LRRIQ1: variants seen among roughly 807,000 people sequenced by gnomAD.
LRRIQ1 encodes the protein leucine rich repeats and IQ motif containing 1.
LRRIQ1 carries 210 observed loss-of-function variants against 211.9 expected under a neutral mutation model. The observed-to-expected ratio is 0.99, with a 90% CI of 0.89 to 1.11. LRRIQ1 has a LOEUF of 1.11. Ranked by LOEUF, LRRIQ1 falls within the 50% of genes most tolerant of loss-of-function variation. The pLI, the probability that LRRIQ1 is intolerant of heterozygous loss-of-function variation, is 0.00. For synonymous variants in LRRIQ1, 699 were observed against 650.1 expected, an observed-to-expected ratio of 1.08 and a Z score of -1.14; for missense variants, 2,136 against 1,939.5, an observed-to-expected ratio of 1.10 and a Z score of -1.90.
At chr12:85,042,423 AATT>A (rs1269706972) in intron 3 of LRRIQ1, among the ~76,000 whole-genome samples, 2 of 148,376 alleles carry the variant, frequency 1.3e-5, no homozygotes, top group Non-Finnish European at 3.0e-5. Context: ...ATTAAGTATA[AATT>A]ATTAAAATTA....
intron 1 of LRRIQ1, among the ~76,000 whole-genome samples, chr12:85,254,133 G>A (rs568920957): frequency 6.6e-6 from 1 of 152,086 alleles, no homozygotes; most frequent in South Asian, 2.1e-4. Flanking sequence ...GCCATGTCAC[G>A]TGTCTGCTCC....
chr12:85,173,063 C>T (rs577744196), intron 24 of LRRIQ1, among the ~76,000 whole-genome samples: 4 of 152,092 alleles, frequency 2.6e-5, no homozygotes, highest in Non-Finnish European at 5.9e-5. Flanking sequence ...GAGCCGAGTT[C>T]ATGCCATTGC....
chr12:85,037,086 T>C lies in LRRIQ1; in HGVS notation c.-25+679T>C, dbSNP rs73379726. 8.8e-3 allele frequency among the ~76,000 whole-genome samples: 1,346 copies of C among 152,298 alleles called. 18 individuals are homozygous for C. Among genetic ancestry groups the C allele is most frequent in the African/African-American group, 0.031 (1,299 of 41,564 alleles). ...AAGAAAGAATATAAACTCTTTGCAATGATATTAATAATTAATTTTGTTATT... is the reference window on the plus strand; with the variant it reads ...AAGAAAGAATATAAACTCTTTGCAACGATATTAATAATTAATTTTGTTATT... On this transcript the variant is annotated intron_variant, in intron 1 of 26. Transcript: ENST00000393217.
At chr12:85,137,994 A>C in intron 19 of LRRIQ1, 25 bp downstream of exon 19, 1 of 1,244,520 alleles carries the variant, frequency 8.0e-7, no homozygotes, top group Non-Finnish European at 1.1e-6. Context: ...TAGTATATAA[A>C]TATTGGTCTT....
intron 14 of LRRIQ1, among the ~76,000 whole-genome samples, chr12:85,105,795 T>TA (rs1886735038): frequency 2.1e-5 from 1 of 46,748 alleles, no homozygotes; most frequent in Non-Finnish European, 3.9e-5. Flanking sequence ...TCTTTCTTTC[T>TA]ATTTTTTTTT....
At chr12:85,257,053 T>A (rs1415169763) in intron 1 of LRRIQ1, among the ~76,000 whole-genome samples, 1 of 116,174 alleles carries the variant, frequency 8.6e-6, no homozygotes, top group African/African-American at 3.4e-5. Context: ...TAATTATATA[T>A]ATAATTATAT....
chr12:85,209,867 T>C (rs918362097), intron 24 of LRRIQ1, among the ~76,000 whole-genome samples: 1 of 152,112 alleles, frequency 6.6e-6, no homozygotes, highest in African/African-American at 2.4e-5. Flanking sequence ...TGAGCTTATG[T>C]AAGACTCATG....
intron 15 of LRRIQ1, among the ~76,000 whole-genome samples, chr12:85,107,936 T>A (rs1886900349): frequency 6.6e-6 from 1 of 152,144 alleles, no homozygotes; most frequent in South Asian, 2.1e-4. Context: ...TGGAACCTTC[T>A]GGAACATATG....
chr12:85,066,033 T>G (rs574293941), intron 9 of LRRIQ1, among the ~76,000 whole-genome samples: 1 of 151,956 alleles, frequency 6.6e-6, no homozygotes, highest in East Asian at 1.9e-4. Context: ...TTGGCTAATG[T>G]TTTATTGGCT....
chr12:85,113,907 T>TTGTGTGTGTGTG (rs71076112), intron 15 of LRRIQ1, among the ~76,000 whole-genome samples: 10,053 of 140,816 alleles, frequency 0.071, 600 homozygotes, highest in African/African-American at 0.15. Flanking sequence ...CAAATGAGTT[T>TTGTGTGTGTGTG]TGTGTGTGTG....
intron 5 of LRRIQ1, among the ~76,000 whole-genome samples, chr12:85,046,736 C>A (rs905157734): frequency 6.6e-6 from 1 of 151,974 alleles, no homozygotes; most frequent in African/African-American, 2.4e-5. Flanking sequence ...ACAATAGCAA[C>A]GACTTGGAAC....
intron 24 of LRRIQ1, among the ~76,000 whole-genome samples, chr12:85,225,914 A>G (rs1291759522): frequency 6.6e-6 from 1 of 152,324 alleles, no homozygotes; most frequent in East Asian, 1.9e-4. Context: ...TTTTGCTGAG[A>G]CAGAACCACT....
chr12:85,141,927 A>G (rs1195947072), intron 19 of LRRIQ1, among the ~76,000 whole-genome samples: 1 of 90,750 alleles, frequency 1.1e-5, no homozygotes, highest in Non-Finnish European at 2.0e-5. Context: ...CGTGTGCTTC[A>G]TTCTTTCCTG....
chr12:85,151,122 ATATAAC>A (rs1357431919), intron 19 of LRRIQ1, among the ~76,000 whole-genome samples: 1 of 151,372 alleles, frequency 6.6e-6, no homozygotes, highest in East Asian at 1.9e-4. Flanking sequence ...ATTAAACCAT[ATATAAC>A]TATGATATAT....
At position 85,127,922 on chromosome 12, in the gene LRRIQ1, A is replaced by G; in HGVS notation, c.4098A>G (p.Thr1366=). ...CCACAAGGCTACATACTGCTGCAAC[A>G]GAAGGCCTGCCAAATTCTTCCATCA... is the stretch of plus-strand genomic sequence containing the variant. The part of the protein sequence containing the change: ...HFSTRLHTAA[T]EGLPNSSIKN... The change falls in exon 18 of 27, where the codon ACA becomes ACG. Residue 1366 remains threonine, a synonymous_variant. Transcript: ENST00000393217. 1 of 1,614,110 alleles carries G rather than the reference A, an allele frequency of 6.2e-7. No individual in the cohort carries two copies. Among genetic ancestry groups the G allele is most frequent in the Non-Finnish European group, 8.5e-7 (1 of 1,179,986 alleles).
chr12:85,242,003 C>T (rs1895483719), intron 26 of LRRIQ1, among the ~76,000 whole-genome samples: 1 of 151,764 alleles, frequency 6.6e-6, no homozygotes, highest in Non-Finnish European at 1.5e-5. Flanking sequence ...AATTATAGGG[C>T]GGAAGTGGGG....
intron 24 of LRRIQ1, among the ~76,000 whole-genome samples, chr12:85,174,748 G>A (rs1891606574): frequency 1.7e-5 from 2 of 119,154 alleles, no homozygotes; most frequent in African/African-American, 3.6e-5. Flanking sequence ...ACAGAGAATA[G>A]CAGCAATGTC....
chr12:85,189,556 A>T (rs1892388209), intron 24 of LRRIQ1, among the ~76,000 whole-genome samples: 1 of 152,002 alleles, frequency 6.6e-6, no homozygotes, highest in African/African-American at 2.4e-5. Context: ...ACATCAAGAG[A>T]TTAAGAAGCA....
In LRRIQ1 at chr12:85,198,708, C is replaced by T. The variant is rs371837959; in HGVS notation, c.4823-30809C>T. ...TCAGCTTCCCAAGTAGCTGGGACTA[C>T]AGGCGCCTGCCTCCATGCTCGGCTA... On this transcript the variant is annotated intron_variant, in intron 24 of 26. Transcript: ENST00000393217. Among the ~76,000 whole-genome samples, 97 of 152,130 alleles carry T rather than the reference C, an allele frequency of 6.4e-4. No individual in the cohort carries two copies. In the East Asian group the frequency reaches 0.013, roughly 20 times the overall value.
Sources: gnomAD v4.1 joint callset for allele counts (sites outside exome capture counted in the v4.1 genomes callset) on GRCh38, gnomAD v4.1.1 for gene constraint, MANE v1.5 for transcripts, NCBI Gene and HGNC (gene_info 2026-07-23, HGNC 2026-07-21) for gene names.